LRRC9: variants seen among roughly 807,000 people sequenced by gnomAD.
LRRC9 encodes the protein leucine-rich repeat-containing protein 9.
In LRRC9, 122 loss-of-function variants were observed where a neutral mutation model predicts 63.2. That is an observed-to-expected ratio of 1.93 (90% CI 1.67 to 2.24). The LOEUF (loss-of-function observed/expected upper bound fraction) is 2.24. Ranked by LOEUF, LRRC9 falls within the 30% of genes most tolerant of loss-of-function variation. LRRC9 has a pLI of 0.00. For missense variants in LRRC9, 1,071 were observed against 627.7 expected, an observed-to-expected ratio of 1.71 and a Z score of -7.55; for synonymous variants, 366 against 213.1, an observed-to-expected ratio of 1.72 and a Z score of -6.25.
intron 8 of LRRC9, among the ~76,000 whole-genome samples, chr14:59,955,856 T>C (rs1883690019): frequency 6.6e-6 from 1 of 152,226 alleles, no homozygotes; most frequent in African/African-American, 2.4e-5. Flanking sequence ...TTCTCATTGG[T>C]TTCAAAGAAC....
chr14:59,926,288 G>A (rs1427334090), intron 1 of LRRC9, among the ~76,000 whole-genome samples: 2 of 151,858 alleles, frequency 1.3e-5, no homozygotes, highest in Admixed American at 6.6e-5. Context: ...TTCTTTTCTT[G>A]TTTTCATATT....
chr14:59,978,703 C>A (rs1435167931), intron 15 of LRRC9, among the ~76,000 whole-genome samples: 1 of 152,054 alleles, frequency 6.6e-6, no homozygotes. Context: ...TATACTGTGT[C>A]CATATTTATT....
chr14:59,984,963 A>G lies in LRRC9; in HGVS notation c.2092-142A>G, dbSNP rs1157233376. ...TTTTTTTTCTTATTGACTGTTTCTT[A>G]ATGCTATTTAAAATAACTGCTTTCT... On this transcript the variant is annotated intron_variant, in intron 16 of 31. Transcript: ENST00000445360. The G allele has an allele frequency of 6.4e-5, 27 of 420,576 alleles. No homozygotes were observed. In the East Asian group the frequency reaches 7.0e-4, roughly 11 times the overall value. 26.1% of individuals were successfully genotyped at this position (420,576 alleles called of 1,614,324 possible).
intron 19 of LRRC9, among the ~76,000 whole-genome samples, chr14:60,000,594 C>T (rs1889265723): frequency 6.6e-6 from 1 of 151,926 alleles, no homozygotes; most frequent in South Asian, 2.1e-4. Context: ...AACAGAGCTG[C>T]CTTTGTAGAT....
chr14:60,045,305 G>A (rs1274126762), intron 29 of LRRC9, among the ~76,000 whole-genome samples: 1 of 152,058 alleles, frequency 6.6e-6, no homozygotes, highest in Non-Finnish European at 1.5e-5. Flanking sequence ...TACATGTGCA[G>A]GATGTGCAGG....
Position 60,006,584 on chromosome 14 carries a change from T to A in LRRC9, c.3030T>A (p.Tyr1010Ter), listed in dbSNP as rs1031763119. Residue 1010 changes from tyrosine to a stop codon, truncating the protein, a stop_gained, in exon 22 of 32, where the codon TAT becomes TAA. Transcript: ENST00000445360. LOFTEE classifies it high-confidence loss of function. ...TTGAGTTATACATAAGCAATAACTA[T>A]ATTGCTGTCAATCAGGAGATGCACA... is the stretch of plus-strand genomic sequence containing the variant. 1.4e-6 allele frequency: 1 copy of A among 694,270 alleles called. No individual in the cohort carries two copies. The highest frequency in any genetic ancestry group is 1.5e-5 in the South Asian group (1 of 65,790). The allele number at this position is 694,270 out of a possible 1,614,324, so 43.0% of individuals were successfully genotyped here.
chr14:60,019,282 A>T (rs570502722), intron 26 of LRRC9, 22 bp downstream of exon 26: 1 of 671,502 alleles, frequency 1.5e-6, no homozygotes, highest in African/African-American at 1.8e-5. Flanking sequence ...TATTTTTATG[A>T]TTATAACTAA....
At chr14:60,045,982 A>G (rs1893390745) in intron 29 of LRRC9, among the ~76,000 whole-genome samples, 3 of 152,046 alleles carry the variant, frequency 2.0e-5, no homozygotes, top group Non-Finnish European at 2.9e-5. Context: ...GCAAGTTGGT[A>G]TCTCAGCGTG....
At chr14:59,943,371 T>A (rs1381548569) in intron 7 of LRRC9, among the ~76,000 whole-genome samples, 1 of 152,094 alleles carries the variant, frequency 6.6e-6, no homozygotes, top group Non-Finnish European at 1.5e-5. Context: ...TATGTGGATA[T>A]CCTGTTGTTT....
intron 13 of LRRC9, 135 bp downstream of exon 13, chr14:59,974,843 CAGTGT>C (rs1885940627): frequency 2.1e-6 from 1 of 469,408 alleles, no homozygotes. Flanking sequence ...TCATATTTAC[CAGTGT>C]AGTAATACAT....
chr14:59,925,351 G>A (rs549631533), intron 1 of LRRC9, among the ~76,000 whole-genome samples: 9 of 152,146 alleles, frequency 5.9e-5, no homozygotes, highest in African/African-American at 2.2e-4. Context: ...CTGCTTCCAC[G>A]ATGATGCCTT....
chr14:60,002,681 G>A (rs1448952020), intron 20 of LRRC9, among the ~76,000 whole-genome samples: 10 of 152,128 alleles, frequency 6.6e-5, no homozygotes, highest in African/African-American at 2.4e-4. Flanking sequence ...AAACAGGGAG[G>A]TCAAGTCATG....
At chr14:60,047,658 G>A (rs1278784175) in intron 29 of LRRC9, among the ~76,000 whole-genome samples, 2 of 152,246 alleles carry the variant, frequency 1.3e-5, no homozygotes, top group East Asian at 3.9e-4. Context: ...AGTTCTTAGA[G>A]ACCTATAAAG....
intron 12 of LRRC9, among the ~76,000 whole-genome samples, chr14:59,968,037 A>C (rs1485146011): frequency 6.6e-6 from 1 of 152,252 alleles, no homozygotes; most frequent in Non-Finnish European, 1.5e-5. Context: ...ATGCATCAAC[A>C]GATGAATGGA....
At chr14:60,045,171 T>A (rs1328737176) in intron 29 of LRRC9, among the ~76,000 whole-genome samples, 1 of 152,084 alleles carries the variant, frequency 6.6e-6, no homozygotes, top group East Asian at 1.9e-4. Flanking sequence ...AATATCTTTT[T>A]CCACCCCTTT....
At chr14:60,018,547 A>G in intron 25 of LRRC9, 68 bp downstream of exon 25, 1 of 608,698 alleles carries the variant, frequency 1.6e-6, no homozygotes. Flanking sequence ...CTTTGGATTA[A>G]ATGGTATTTC....
intron 29 of LRRC9, among the ~76,000 whole-genome samples, chr14:60,045,945 T>C (rs1893388124): frequency 6.6e-6 from 1 of 152,154 alleles, no homozygotes; most frequent in South Asian, 2.1e-4. Context: ...GTTTTTTGAC[T>C]TTTTAGTAAT....
intron 8 of LRRC9, among the ~76,000 whole-genome samples, chr14:59,952,965 A>G (rs1159496290): frequency 1.3e-5 from 2 of 152,176 alleles, no homozygotes; most frequent in Non-Finnish European, 2.9e-5. Flanking sequence ...AGCTTCATCC[A>G]TGTCCCTGCA....
intron 24 of LRRC9, 121 bp downstream of exon 24, chr14:60,016,911 C>G (rs1020991364): frequency 1.9e-6 from 1 of 514,540 alleles, no homozygotes; most frequent in African/African-American, 1.9e-5. Context: ...ATAAAATTAT[C>G]TACTGTACTG....
Sources: gnomAD v4.1 joint callset for allele counts (sites outside exome capture counted in the v4.1 genomes callset) on GRCh38, gnomAD v4.1.1 for gene constraint, MANE v1.5 for transcripts, NCBI Gene and HGNC (gene_info 2026-07-23, HGNC 2026-07-21) for gene names.